Variants in CD86 observed in about 807,000 individuals in gnomAD.
The protein encoded by CD86 is CD86 molecule, also known as T-lymphocyte activation antigen CD86.
A neutral mutation model predicts 32.1 loss-of-function variants in CD86; 11 were observed. The ratio of observed to expected loss-of-function variants is 0.34; its 90% CI spans 0.22 to 0.57. The LOEUF is 0.57. CD86 is among the 20% of genes least tolerant of loss of function. CD86 has a pLI of 0.86. For missense variants in CD86, 359 were observed against 398.4 expected (o/e 0.90, Z 0.84); for synonymous variants, 137 against 135.3 (o/e 1.01, Z -0.09).
At chr3:122,086,405 C>T (rs1049174626) in intron 1 of CD86, among the ~76,000 whole-genome samples, 7 of 152,208 alleles carry the variant, frequency 4.6e-5, no homozygotes, top group African/African-American at 1.4e-4. Flanking sequence ...TTACTGGCTG[C>T]TGCCATTCCA....
intron 2 of CD86, among the ~76,000 whole-genome samples, chr3:122,101,507 A>ATAT (rs1166770159): frequency 3.6e-4 from 29 of 79,766 alleles, no homozygotes; most frequent in East Asian, 1.6e-3. Flanking sequence ...AAAAAAAAAA[A>ATAT]AAAAAAATAT....
chr3:122,055,515 T>C lies in CD86; in HGVS notation c.14+12T>C. 2 of 1,613,688 alleles carry C rather than the reference T, an allele frequency of 1.2e-6. No homozygotes were observed. Among genetic ancestry groups the C allele is most frequent in the Non-Finnish European group, 1.7e-6 (2 of 1,179,580 alleles). On this transcript the variant is annotated intron_variant, in intron 1 of 6. Coordinates refer to ENST00000330540, the MANE Select transcript of CD86 (RefSeq NM_175862.5). ...ATGGATCCCCAGTGGTGAGTAATAA[T>C]TCTTATTCTTTGCAGAGAAGTTATG...
intron 1 of CD86, among the ~76,000 whole-genome samples, chr3:122,062,947 C>T (rs933905039): frequency 6.6e-6 from 1 of 152,094 alleles, no homozygotes; most frequent in African/African-American, 2.4e-5. Context: ...TTACCTATAA[C>T]CTAGAAGTTG....
chr3:122,101,416 G>T (rs2072997116), intron 2 of CD86, among the ~76,000 whole-genome samples: 1 of 150,590 alleles, frequency 6.6e-6, no homozygotes, highest in South Asian at 2.1e-4. Flanking sequence ...GGGAGAAGGG[G>T]CCTGGGTCAG....
rs1393875169 is a variant in CD86 at position 122,090,937 on chromosome 3, A to T, written c.15-664A>T. 2.0e-5 allele frequency among the ~76,000 whole-genome samples: 3 copies of T among 152,190 alleles called. 1 individual carries two copies. The highest frequency in any genetic ancestry group is 7.2e-5 in the African/African-American group (3 of 41,426). ...GGGTTTCATCCCAACTTACTAAGCC[A>T]GACTTTCTGTGGTTGAGGCCCAGGA... is the stretch of plus-strand genomic sequence containing the variant. On this transcript the variant is annotated intron_variant, in intron 1 of 6. Coordinates refer to ENST00000330540, the MANE Select transcript of CD86 (RefSeq NM_175862.5).
intron 5 of CD86, 127 bp from the exon 6 acceptor site, chr3:122,117,921 T>C: frequency 1.3e-6 from 1 of 741,256 alleles, no homozygotes; most frequent in South Asian, 1.7e-5. Flanking sequence ...TGAGTAACTA[T>C]CTCTTCCATA....
chr3:122,118,167 T>A, intron 6 of CD86, 74 bp downstream of exon 6: 1 of 1,254,464 alleles, frequency 8.0e-7, no homozygotes, highest in Non-Finnish European at 1.2e-6. Flanking sequence ...AATAGGCTTA[T>A]GCCTAACATA....
At chr3:122,062,226 T>G (rs1421159711) in intron 1 of CD86, among the ~76,000 whole-genome samples, 1 of 152,162 alleles carries the variant, frequency 6.6e-6, no homozygotes, top group Non-Finnish European at 1.5e-5. Context: ...ATCATGCTAA[T>G]AAGTATGCAA....
intron 3 of CD86, among the ~76,000 whole-genome samples, chr3:122,104,573 A>G (rs2073062352): frequency 6.6e-6 from 1 of 152,140 alleles, no homozygotes; most frequent in African/African-American, 2.4e-5. Flanking sequence ...GAGCATTTCT[A>G]TCACCCTAAA....
intron 1 of CD86, among the ~76,000 whole-genome samples, chr3:122,079,228 A>T (rs942083163): frequency 2.0e-5 from 3 of 152,208 alleles, no homozygotes; most frequent in Non-Finnish European, 2.9e-5. Flanking sequence ...AAGCCTTTGC[A>T]TTTGATATTT....
At chr3:122,073,115 A>G (rs2072512410) in intron 1 of CD86, among the ~76,000 whole-genome samples, 2 of 148,122 alleles carry the variant, frequency 1.4e-5, no homozygotes, top group Non-Finnish European at 3.0e-5. Flanking sequence ...AAATCTGACA[A>G]TACCAAATGC....
chr3:122,101,514 ATATATATATAT>A (rs1321017714), intron 2 of CD86, among the ~76,000 whole-genome samples: 1 of 16,946 alleles, frequency 5.9e-5, no homozygotes, highest in Non-Finnish European at 9.2e-5. Flanking sequence ...AAAAAAAAAA[ATATATATATAT>A]ATATATATAT....
intron 6 of CD86, 34 bp downstream of exon 6, chr3:122,118,127 AG>A (rs2107552740): frequency 1.2e-6 from 1 of 802,150 alleles, no homozygotes; most frequent in Non-Finnish European, 1.9e-6. Context: ...GATGAGAGAG[AG>A]GTATAATCCC....
At chr3:122,056,398 A>G (rs184441399) in intron 1 of CD86, among the ~76,000 whole-genome samples, 1 of 152,284 alleles carries the variant, frequency 6.6e-6, no homozygotes, top group Non-Finnish European at 1.5e-5. Flanking sequence ...GCAGTGGCGC[A>G]ATCTCAGCTC....
At chr3:122,078,144 G>T in intron 1 of CD86, 1 of 707,198 alleles carries the variant, frequency 1.4e-6, no homozygotes, top group South Asian at 6.3e-5. Flanking sequence ...GCCGGCCAGA[G>T]AATGAGTAAA....
At chr3:122,119,048 C>G (rs952195027) in intron 6 of CD86, among the ~76,000 whole-genome samples, 1 of 152,174 alleles carries the variant, frequency 6.6e-6, no homozygotes, top group Admixed American at 6.5e-5. Context: ...GTACCCAGCA[C>G]TAATCCAGAT....
At chr3:122,093,794 CTTG>C (rs1172296253) in intron 2 of CD86, among the ~76,000 whole-genome samples, 1 of 152,042 alleles carries the variant, frequency 6.6e-6, no homozygotes, top group Non-Finnish European at 1.5e-5. Context: ...TGCTTTAGGT[CTTG>C]TTGTTATTTC....
At chr3:122,065,869 A>T (rs2072405823) in intron 1 of CD86, among the ~76,000 whole-genome samples, 1 of 151,862 alleles carries the variant, frequency 6.6e-6, no homozygotes, top group South Asian at 2.1e-4. Context: ...AGAGGGGGAA[A>T]CTTGACTGGG....
chr3:122,067,727 A>G (rs1218569291), intron 1 of CD86, among the ~76,000 whole-genome samples: 1 of 152,228 alleles, frequency 6.6e-6, no homozygotes, highest in Non-Finnish European at 1.5e-5. Context: ...ATCTTAAATA[A>G]GATTTGAGTA....
Sources: allele counts gnomAD v4.1 joint callset (sites outside exome capture counted in the v4.1 genomes callset), GRCh38; gene constraint gnomAD v4.1.1; transcripts MANE v1.5; gene names NCBI Gene and HGNC (gene_info 2026-07-23, HGNC 2026-07-21).